The following MGAT5 variants were observed in gnomAD, a reference collection of about 807,000 sequenced individuals.
MGAT5 encodes the protein alpha-1,6-mannosylglycoprotein 6-beta-N-acetylglucosaminyltransferase A.
A neutral mutation model predicts 94.3 loss-of-function variants in MGAT5; 30 were observed. That is an observed-to-expected ratio of 0.32 (90% CI 0.24 to 0.43). MGAT5 has a LOEUF of 0.43. Among genes scored for constraint, MGAT5 ranks in the 20% least tolerant of loss-of-function variants. MGAT5 has a pLI of 1.00. For missense variants in MGAT5, 691 were observed against 905.5 expected, an observed-to-expected ratio of 0.76 and a Z score of 3.04; for synonymous variants, 310 against 322.9, an observed-to-expected ratio of 0.96 and a Z score of 0.43.
intron 1 of MGAT5, among the ~76,000 whole-genome samples, chr2:134,243,412 G>A (rs1438134761): frequency 6.6e-6 from 1 of 152,178 alleles, no homozygotes; most frequent in Non-Finnish European, 1.5e-5. Context: ...CTGAGGGTTT[G>A]TGACCAGAAA....
intron 2 of MGAT5, among the ~76,000 whole-genome samples, chr2:134,277,875 C>T (rs1457373822): frequency 2.0e-5 from 3 of 152,136 alleles, no homozygotes; most frequent in Admixed American, 1.3e-4. Context: ...TTTGAAGTTC[C>T]CAAATTGATC....
At chr2:134,421,898 T>G (rs1684317574) in intron 12 of MGAT5, among the ~76,000 whole-genome samples, 1 of 152,006 alleles carries the variant, frequency 6.6e-6, no homozygotes, top group Admixed American at 6.5e-5. Flanking sequence ...CTGAGCACAG[T>G]GGCTTGTGCC....
chr2:134,261,842 G>T (rs148660500), intron 1 of MGAT5, among the ~76,000 whole-genome samples: 12 of 152,210 alleles, frequency 7.9e-5, no homozygotes, highest in Non-Finnish European at 1.6e-4. Context: ...ACTCTGTGAT[G>T]CTCTGTGTGG....
intron 1 of MGAT5, among the ~76,000 whole-genome samples, chr2:134,246,455 C>T (rs1247243171): frequency 1.3e-5 from 2 of 152,192 alleles, no homozygotes; most frequent in Non-Finnish European, 2.9e-5. Context: ...TTGCCTGTCC[C>T]TTCTCCTCCT....
At position 134,345,030 on chromosome 2, in the gene MGAT5, A is replaced by C; in HGVS notation, c.1078A>C (p.Lys360Gln). The C allele has an allele frequency of 6.2e-7, 1 of 1,613,604 alleles. No homozygotes were observed. The highest frequency in any genetic ancestry group is 8.5e-7 in the Non-Finnish European group (1 of 1,179,686). The stretch of plus-strand genomic sequence containing the variant: ...TGATATTGTAGGACTTGCTCAATTC[A>C]AGAAAACTCTTGGACCATCCTGGGT... ...YIDIVGLAQF[K>Q]KTLGPSWVHY... Residue 360 changes from lysine (K) to glutamine (Q), a missense_variant, in exon 8 of 16, where the codon AAG becomes CAG. Transcript: ENST00000281923.
At chr2:134,417,564 C>A (rs1027969975) in intron 12 of MGAT5, among the ~76,000 whole-genome samples, 2 of 152,132 alleles carry the variant, frequency 1.3e-5, no homozygotes, top group Non-Finnish European at 2.9e-5. Context: ...TCCCATCAGT[C>A]AAATTTGAAG....
chr2:134,159,179 G>T (rs1687613408), intron 1 of MGAT5, among the ~76,000 whole-genome samples: 1 of 130,398 alleles, frequency 7.7e-6, no homozygotes, highest in Non-Finnish European at 1.6e-5. Context: ...GAGAACACTG[G>T]TCTAAATTCG....
At chr2:134,326,176 G>A (rs1687638372) in intron 4 of MGAT5, among the ~76,000 whole-genome samples, 1 of 151,508 alleles carries the variant, frequency 6.6e-6, no homozygotes, top group Non-Finnish European at 1.5e-5. Context: ...CATCAGGTAT[G>A]TGATCACCCT....
In MGAT5 at chr2:134,428,384, A is replaced by G; in HGVS notation, c.1814A>G (p.Tyr605Cys). ...LNQKIEPYMPYEFTCEGMLQR... is the reference protein window; with the variant it reads ...LNQKIEPYMPCEFTCEGMLQR... ...CCACAGATTGAGCCATACATGCCAT[A>G]TGAATTTACGTGCGAGGGGATGCTA... Residue 605 changes from tyrosine to cysteine, a missense_variant, in exon 14 of 16, where the codon TAT becomes TGT. By Grantham distance (194) the Tyr-to-Cys change is radical (BLOSUM62 -2). Around this residue, in one of 4 missense-constraint regions of MGAT5, gnomAD observed 260 missense variants for 347.0 expected, o/e 0.75. Transcript: ENST00000281923. The G allele has an allele frequency of 1.9e-6, 3 of 1,614,146 alleles. No homozygotes were observed. Among genetic ancestry groups the G allele is most frequent in the Non-Finnish European group, 2.5e-6 (3 of 1,179,996 alleles).
intron 10 of MGAT5, among the ~76,000 whole-genome samples, chr2:134,392,242 C>G (rs763279501): frequency 1.3e-5 from 2 of 152,202 alleles, no homozygotes; most frequent in African/African-American, 4.8e-5. Context: ...TGTTTATTTG[C>G]AGCATTTTAG....
intron 9 of MGAT5, among the ~76,000 whole-genome samples, chr2:134,352,691 C>A (rs1679462189): frequency 6.6e-6 from 1 of 151,936 alleles, no homozygotes; most frequent in Admixed American, 6.6e-5. Context: ...AATGTTTTAC[C>A]TAATTTAAAA....
intron 10 of MGAT5, among the ~76,000 whole-genome samples, chr2:134,369,828 A>G (rs1680676031): frequency 6.6e-6 from 1 of 151,828 alleles, no homozygotes; most frequent in Admixed American, 6.6e-5. Flanking sequence ...AAAAAATTTG[A>G]TGACAACTGG....
chr2:134,338,801 G>A (rs1369580750), intron 6 of MGAT5, among the ~76,000 whole-genome samples: 2 of 152,110 alleles, frequency 1.3e-5, no homozygotes, highest in Admixed American at 1.3e-4. Context: ...CTTTTGGATA[G>A]CCAGTGAGTT....
intron 10 of MGAT5, among the ~76,000 whole-genome samples, chr2:134,373,185 C>T (rs755163940): frequency 3.9e-5 from 6 of 152,158 alleles, no homozygotes; most frequent in Admixed American, 2.6e-4. Flanking sequence ...TGGCAGCTGC[C>T]CATGGACAGA....
At chr2:134,370,080 T>C (rs1680690780) in intron 10 of MGAT5, among the ~76,000 whole-genome samples, 1 of 152,238 alleles carries the variant, frequency 6.6e-6, no homozygotes, top group African/African-American at 2.4e-5. Context: ...TATGTAATTA[T>C]CTAGCTTGCT....
intron 2 of MGAT5, among the ~76,000 whole-genome samples, chr2:134,314,226 C>T (rs1325128136): frequency 6.6e-6 from 1 of 152,190 alleles, no homozygotes; most frequent in African/African-American, 2.4e-5. Context: ...ACTCTTAAGC[C>T]AATGCCTCTG....
intron 1 of MGAT5, among the ~76,000 whole-genome samples, chr2:134,120,754 C>A (rs1457566539): frequency 6.6e-6 from 1 of 151,784 alleles, no homozygotes; most frequent in Non-Finnish European, 1.5e-5. Flanking sequence ...GGGACCCAGG[C>A]GCACTGGGCG....
chr2:134,251,316 G>A (rs1682577168), upstream of MGAT5, among the ~76,000 whole-genome samples: 1 of 152,196 alleles, frequency 6.6e-6, no homozygotes, highest in South Asian at 2.1e-4. Flanking sequence ...TCAGTCACCA[G>A]GGCCTGATGG....
At chr2:134,283,767 A>G (rs1684846737) in intron 2 of MGAT5, among the ~76,000 whole-genome samples, 1 of 138,472 alleles carries the variant, frequency 7.2e-6, no homozygotes, top group African/African-American at 2.8e-5. Context: ...ATGGTTATTT[A>G]TGAGGCTTGA....
Sources: allele counts gnomAD v4.1 joint callset (sites outside exome capture counted in the v4.1 genomes callset), GRCh38; gene constraint gnomAD v4.1.1; regional missense constraint gnomAD v4.1.1; transcripts MANE v1.5; gene names NCBI Gene and HGNC (gene_info 2026-07-23, HGNC 2026-07-21).